CSMD1: variants seen among roughly 807,000 people sequenced by gnomAD.
CSMD1 encodes CUB and Sushi multiple domains 1.
Under a neutral mutation model 417.5 loss-of-function variants are expected in CSMD1, and 213 were observed. That is an observed-to-expected ratio of 0.51 (90% CI 0.46 to 0.57). The LOEUF (loss-of-function observed/expected upper bound fraction) is 0.57, where lower values mean the gene tolerates loss of function less well. Among genes scored for constraint, CSMD1 ranks in the 20% least tolerant of loss-of-function variants. The pLI is 0.00. For synonymous variants in CSMD1, 2,862 were observed against 1,736.8 expected (o/e 1.65, Z -16.11); for missense variants, 6,923 against 4,529.7 (o/e 1.53, Z -15.17).
intron 12 of CSMD1, among the ~76,000 whole-genome samples, chr8:3,467,610 G>A (rs936240949): frequency 7.2e-5 from 11 of 152,122 alleles, no homozygotes; most frequent in African/African-American, 2.7e-4. Context: ...CAGCAAGGAG[G>A]GACCCTATTT....
chr8:4,611,548 C>G (rs1002676399), intron 2 of CSMD1, among the ~76,000 whole-genome samples: 1 of 152,140 alleles, frequency 6.6e-6, no homozygotes, highest in East Asian at 1.9e-4. Flanking sequence ...TATGTATTGC[C>G]AAATTGCCTT....
intron 7 of CSMD1, among the ~76,000 whole-genome samples, chr8:3,663,920 C>T (rs1798549795): frequency 6.6e-6 from 1 of 152,182 alleles, no homozygotes. Flanking sequence ...TTAACTGAGT[C>T]ATGTTTCAGA....
chr8:4,176,717 A>G (rs1262701456), intron 3 of CSMD1, among the ~76,000 whole-genome samples: 5 of 151,132 alleles, frequency 3.3e-5, no homozygotes, highest in African/African-American at 7.3e-5. Context: ...TAGGCTCAAA[A>G]TAAAAGGATG....
At chr8:4,279,999 G>C (rs1796693283) in intron 3 of CSMD1, among the ~76,000 whole-genome samples, 1 of 152,188 alleles carries the variant, frequency 6.6e-6, no homozygotes, top group South Asian at 2.1e-4. Flanking sequence ...AGAAACACAG[G>C]GGCCTATCTG....
chr8:3,615,258 G>C (rs908881051), intron 8 of CSMD1, among the ~76,000 whole-genome samples: 6 of 152,068 alleles, frequency 3.9e-5, no homozygotes, highest in Non-Finnish European at 7.4e-5. Context: ...GGTACAAAAG[G>C]TGAGGCCTGC....
At chr8:2,949,109 T>C (rs1424217305) in intron 68 of CSMD1, among the ~76,000 whole-genome samples, 190 bp downstream of exon 68, 2 of 151,926 alleles carry the variant, frequency 1.3e-5, no homozygotes, top group African/African-American at 2.4e-5. Context: ...TATTGCATTA[T>C]TTCCGGCTTT....
chr8:4,724,922 C>A (rs970185711), intron 1 of CSMD1, among the ~76,000 whole-genome samples: 1 of 151,792 alleles, frequency 6.6e-6, no homozygotes, highest in African/African-American at 2.4e-5. Flanking sequence ...AGGTTTTTTT[C>A]TTTTAAGAAG....
intron 1 of CSMD1, among the ~76,000 whole-genome samples, chr8:4,685,330 T>G (rs1806301670): frequency 6.6e-6 from 1 of 152,094 alleles, no homozygotes; most frequent in South Asian, 2.1e-4. Flanking sequence ...TCCCAGCACT[T>G]TGGGAGGCTG....
chr8:3,886,868 T>G (rs1028923462), intron 5 of CSMD1, among the ~76,000 whole-genome samples: 4 of 152,188 alleles, frequency 2.6e-5, no homozygotes, highest in Admixed American at 6.5e-5. Flanking sequence ...ATGGCTACAC[T>G]ATACTGGCTC....
rs904189416 is a variant in CSMD1, at chr8:3,608,489, C to T, written c.1097+8221G>A. On this transcript the variant is annotated intron_variant, in intron 8 of 69. Transcript: ENST00000635120. ...TATATATTAAAAAAATATGGCTGGG[C>T]GCTGTGGCTCACGCCTGTAATCCCA... Among the ~76,000 whole-genome samples the T allele has an allele frequency of 7.2e-5, 11 of 152,118 alleles. No individual in the cohort carries two copies. The South Asian group carries it at 1.0e-3, about 14-fold the overall frequency.
At chr8:3,995,251 T>A (rs951530774) in intron 5 of CSMD1, among the ~76,000 whole-genome samples, 2 of 152,216 alleles carry the variant, frequency 1.3e-5, no homozygotes, top group African/African-American at 2.4e-5. Context: ...AGGAGAACCA[T>A]CTTTTGCTTT....
At chr8:2,992,160 AAC>A (rs1205859104) in intron 54 of CSMD1, among the ~76,000 whole-genome samples, 1 of 152,062 alleles carries the variant, frequency 6.6e-6, no homozygotes, top group Non-Finnish European at 1.5e-5. Flanking sequence ...CACACACATG[AAC>A]AGACATGCAC....
At chr8:4,083,481 A>T (rs2552149) in intron 3 of CSMD1, among the ~76,000 whole-genome samples, 28,800 of 152,172 alleles carry the variant, frequency 0.19, 2,843 homozygotes, top group South Asian at 0.34. Flanking sequence ...TGGTACTGGT[A>T]CCAAAACAGA....
intron 7 of CSMD1, among the ~76,000 whole-genome samples, chr8:3,695,315 A>C (rs1585089438): frequency 1.3e-5 from 2 of 152,112 alleles, no homozygotes; most frequent in East Asian, 3.9e-4. Context: ...AATGCCCTTT[A>C]CCAAAAAACA....
chr8:4,965,416 T>C (rs1489366224), intron 1 of CSMD1, among the ~76,000 whole-genome samples: 1 of 152,212 alleles, frequency 6.6e-6, no homozygotes, highest in Non-Finnish European at 1.5e-5. Flanking sequence ...ACCTGATTTA[T>C]TTTTCAATTT....
chr8:4,905,510 T>C (rs1805184125), intron 1 of CSMD1, among the ~76,000 whole-genome samples: 1 of 151,990 alleles, frequency 6.6e-6, no homozygotes, highest in African/African-American at 2.4e-5. Context: ...TTCCCTATCA[T>C]CACTAACTCT....
At chr8:4,123,034 G>A (rs1802573820) in intron 3 of CSMD1, among the ~76,000 whole-genome samples, 2 of 152,146 alleles carry the variant, frequency 1.3e-5, no homozygotes, top group South Asian at 4.1e-4. Context: ...ATCAGAGACT[G>A]GAATTTTTCT....
intron 3 of CSMD1, among the ~76,000 whole-genome samples, chr8:4,345,102 C>A (rs575068488): frequency 6.6e-6 from 1 of 152,246 alleles, no homozygotes; most frequent in African/African-American, 2.4e-5. Context: ...AATGATGGGG[C>A]AGCCAAGGGG....
chr8:4,827,310 G>C (rs1205118584), intron 1 of CSMD1, among the ~76,000 whole-genome samples: 1 of 152,022 alleles, frequency 6.6e-6, no homozygotes, highest in African/African-American at 2.4e-5. Context: ...GACCAGAATG[G>C]TTTTCATTTT....
Sources: allele counts gnomAD v4.1 joint callset (sites outside exome capture counted in the v4.1 genomes callset), GRCh38; gene constraint gnomAD v4.1.1; transcripts MANE v1.5; gene names NCBI Gene and HGNC (gene_info 2026-07-23, HGNC 2026-07-21).